The following CD33 variants were observed in gnomAD, a reference collection of about 807,000 sequenced individuals.
CD33 encodes the protein CD33 molecule.
Under a neutral mutation model 31.4 loss-of-function variants are expected in CD33, and 25 were observed. The observed-to-expected ratio is 0.80, with a 90% CI of 0.58 to 1.11. The LOEUF (loss-of-function observed/expected upper bound fraction) is 1.11. Ranked by LOEUF, CD33 falls within the 50% of genes most tolerant of loss-of-function variation. The pLI, the probability that CD33 is intolerant of heterozygous loss-of-function variation, is 0.00. For synonymous variants in CD33, 176 were observed against 180.6 expected, an observed-to-expected ratio of 0.97 and a Z score of 0.20; for missense variants, 407 against 448.1, an observed-to-expected ratio of 0.91 and a Z score of 0.83.
intron 4 of CD33, among the ~76,000 whole-genome samples, chr19:51,226,671 C>A (rs1368284436): frequency 6.6e-6 from 1 of 152,048 alleles, no homozygotes; most frequent in Non-Finnish European, 1.5e-5. Flanking sequence ...GTAATCAGAT[C>A]AGGGTAATAG....
intron 5 of CD33, 136 bp downstream of exon 5, chr19:51,235,389 C>A: frequency 8.2e-7 from 1 of 1,218,548 alleles, no homozygotes; most frequent in Non-Finnish European, 1.2e-6. Context: ...CCTGTGGCCA[C>A]TGGGATAGGC....
At chr19:51,217,809 C>T in the CD33 span, among the ~76,000 whole-genome samples, 1 of 152,234 alleles carries the variant, frequency 6.6e-6, no homozygotes, top group African/African-American at 2.4e-5. Context: ...TGACTTTCCA[C>T]TTCTGAATTA....
chr19:51,239,046 G>T (rs146404150), intron 6 of CD33: 1 of 152,716 alleles, frequency 6.5e-6, no homozygotes, highest in African/African-American at 2.4e-5. Context: ...GCAATTACCA[G>T]TCTGTTTCTG....
chr19:51,223,431 T>C (rs1980784357), upstream of CD33, among the ~76,000 whole-genome samples: 1 of 152,216 alleles, frequency 6.6e-6, no homozygotes, highest in South Asian at 2.1e-4. Flanking sequence ...CAAGTACTAA[T>C]ATGTCCCAGG....
At chr19:51,235,999 A>C (rs1421670831) in intron 6 of CD33, 4 of 600,794 alleles carry the variant, frequency 6.7e-6, no homozygotes, top group Non-Finnish European at 1.2e-5. Context: ...TCTACTAAAA[A>C]TACAAAAAAT....
the CD33 span, among the ~76,000 whole-genome samples, chr19:51,215,069 T>C: frequency 2.6e-4 from 40 of 152,298 alleles, no homozygotes; most frequent in East Asian, 7.1e-3. Flanking sequence ...CTTGTGGCCA[T>C]TGGGGAGGCA....
the CD33 span, among the ~76,000 whole-genome samples, chr19:51,213,971 T>C: frequency 6.6e-6 from 1 of 150,774 alleles, no homozygotes; most frequent in East Asian, 2.0e-4. Context: ...GCAATTCTCC[T>C]GCCTCAGCCT....
chr19:51,225,051 G>A, upstream of CD33: 2 of 1,596,028 alleles, frequency 1.3e-6, no homozygotes, highest in South Asian at 2.2e-5. Flanking sequence ...CGGCCCTGTA[G>A]TCCTTCCCCT....
At chr19:51,236,886 A>G (rs947497735) in intron 6 of CD33, 1 of 152,260 alleles carries the variant, frequency 6.6e-6, no homozygotes, top group African/African-American at 2.4e-5. Flanking sequence ...GAACATTAGC[A>G]TCACCTCCCT....
chr19:51,215,971 C>T, the CD33 span, among the ~76,000 whole-genome samples: 1 of 152,304 alleles, frequency 6.6e-6, no homozygotes, highest in Non-Finnish European at 1.5e-5. Context: ...AGCCTTGTCT[C>T]CTTGTTTCCT....
the CD33 span, among the ~76,000 whole-genome samples, chr19:51,217,579 TTTG>T: frequency 5.9e-5 from 9 of 151,850 alleles, no homozygotes; most frequent in South Asian, 4.2e-4. Context: ...CCAGCTAATT[TTTG>T]TTGTTGTTGT....
At chr19:51,239,448 AC>A in intron 6 of CD33, 69 bp from the exon 7 acceptor site, 1 of 1,188,538 alleles carries the variant, frequency 8.4e-7, no homozygotes, top group South Asian at 1.8e-5. Flanking sequence ...TACTTCATTG[AC>A]CCTCTTTGCC....
upstream of CD33, among the ~76,000 whole-genome samples, chr19:51,221,238 G>A (rs887697162): frequency 6.6e-6 from 1 of 152,108 alleles, no homozygotes; most frequent in African/African-American, 2.4e-5. Flanking sequence ...AAATTACTCA[G>A]TCTCAGATAT....
At chr19:51,211,709 G>C in the CD33 span, 1 of 827,778 alleles carries the variant, frequency 1.2e-6, no homozygotes. Flanking sequence ...ACTCAGGGGA[G>C]GACCCGGACC....
chr19:51,228,829 G>A (rs1981216239), intron 4 of CD33, among the ~76,000 whole-genome samples: 1 of 152,112 alleles, frequency 6.6e-6, no homozygotes, highest in Non-Finnish European at 1.5e-5. Flanking sequence ...CAAGTCTTTA[G>A]GTTTTTGTAT....
At chr19:51,235,410 T>C in intron 5 of CD33, 157 bp downstream of exon 5, 1 of 1,263,106 alleles carries the variant, frequency 7.9e-7, no homozygotes, top group Non-Finnish European at 1.1e-6. Context: ...GTGGGTCTAT[T>C]CCAGGGCCCT....
chr19:51,235,398 G>A lies in CD33; in HGVS notation c.842+145G>A, dbSNP rs532697662. ...ATCCAGCCTGTGGCCACTGGGATAGGCGTGGGTCTATTCCAGGGCCCTGAT... is the reference window on the plus strand; with the variant it reads ...ATCCAGCCTGTGGCCACTGGGATAGACGTGGGTCTATTCCAGGGCCCTGAT... On this transcript the variant is annotated intron_variant, in intron 5 of 6. Coordinates refer to ENST00000262262, the MANE Select transcript of CD33 (RefSeq NM_001772.4). 1.4e-4 allele frequency: 175 copies of A among 1,207,144 alleles called. 1 individual carries two copies. In the African/African-American group the frequency reaches 2.5e-3, roughly 17 times the overall value. 74.8% of individuals were successfully genotyped at this position (1,207,144 alleles called of 1,614,324 possible). A position where few individuals can be genotyped will look rare whatever the true frequency, so the allele number is the denominator to read the frequency against.
chr19:51,225,300 C>A lies in CD33; in HGVS notation c.120C>A (p.Pro40=), dbSNP rs375190365. 8.5e-5 allele frequency: 137 copies of A among 1,614,052 alleles called. No individual in the cohort carries two copies. Among genetic ancestry groups the A allele is most frequent in the Non-Finnish European group, 1.2e-4 (137 of 1,180,022 alleles). The change falls in exon 2 of 7, where the codon CCC becomes CCA. Residue 40 remains proline (P), a synonymous_variant. Transcript: ENST00000262262. The stretch of plus-strand genomic sequence containing the variant: ...AGGAGGGTTTGTGCGTCCTCGTGCC[C>A]TGCACTTTCTTCCATCCCATACCCT... ...TVQEGLCVLV[P]CTFFHPIPYY... is the part of the protein sequence containing the mutation.
At chr19:51,215,044 G>T in the CD33 span, among the ~76,000 whole-genome samples, 1 of 152,126 alleles carries the variant, frequency 6.6e-6, no homozygotes, top group South Asian at 2.1e-4. Context: ...ATCAAGGCCT[G>T]TGACAAAGGT....
Sources: allele counts gnomAD v4.1 joint callset (sites outside exome capture counted in the v4.1 genomes callset), GRCh38; gene constraint gnomAD v4.1.1; transcripts MANE v1.5; gene names NCBI Gene and HGNC (gene_info 2026-07-23, HGNC 2026-07-21).